Variants in STAU2 observed in about 807,000 individuals in gnomAD.
STAU2 encodes the protein staufen double-stranded RNA binding protein 2, also known as double-stranded RNA-binding protein Staufen homolog 2.
A neutral mutation model predicts 65.9 loss-of-function variants in STAU2; 20 were observed. The ratio of observed to expected loss-of-function variants is 0.30; its 90% CI spans 0.21 to 0.44. The LOEUF (loss-of-function observed/expected upper bound fraction) is 0.44, where lower values mean the gene tolerates loss of function less well. STAU2 is among the 20% of genes least tolerant of loss of function. The probability of loss-of-function intolerance (pLI) is 1.00; values close to 1 mark genes in which losing one functional copy is unlikely to be tolerated. For synonymous variants in STAU2, 232 were observed against 233.9 expected (o/e 0.99, Z 0.07); for missense variants, 558 against 683.9 (o/e 0.82, Z 2.05).
chr8:73,549,805 GT>G (rs1261568314), intron 13 of STAU2: 1 of 984,846 alleles, frequency 1.0e-6, no homozygotes, highest in Non-Finnish European at 1.2e-6. Flanking sequence ...AGAATTTATT[GT>G]TTTTAAGTTT....
intron 12 of STAU2, among the ~76,000 whole-genome samples, chr8:73,555,088 G>T (rs117949838): frequency 0.036 from 5,463 of 152,276 alleles, 280 homozygotes; most frequent in Admixed American, 0.13. Flanking sequence ...GAACGAAAAT[G>T]GATAATACAA....
chr8:73,510,937 G>A (rs1270096596), intron 13 of STAU2, among the ~76,000 whole-genome samples: 2 of 152,206 alleles, frequency 1.3e-5, no homozygotes, highest in African/African-American at 4.8e-5. Context: ...AAATTTAAAA[G>A]TTAAGTAGAA....
chr8:73,509,137 T>C (rs928462445), intron 13 of STAU2, among the ~76,000 whole-genome samples: 7 of 152,224 alleles, frequency 4.6e-5, no homozygotes, highest in Non-Finnish European at 2.9e-5. Flanking sequence ...ATATAAAGTT[T>C]CTCCATATCG....
At chr8:73,651,435 G>A (rs1815868795) in intron 6 of STAU2, 11 of 665,592 alleles carry the variant, frequency 1.7e-5, no homozygotes, top group South Asian at 8.7e-5. Flanking sequence ...TTTCAAAATC[G>A]CCGCATGAAA....
At chr8:73,724,653 T>TTGTGTGTGTG (rs369351905) in intron 3 of STAU2, among the ~76,000 whole-genome samples, 38 of 100,082 alleles carry the variant, frequency 3.8e-4, no homozygotes, top group East Asian at 8.7e-4. Flanking sequence ...GTTCAGTAGG[T>TTGTGTGTGTG]TGTGTGTGTG....
intron 13 of STAU2, among the ~76,000 whole-genome samples, chr8:73,508,200 C>T (rs1355239564): frequency 1.3e-5 from 2 of 152,218 alleles, no homozygotes; most frequent in Non-Finnish European, 2.9e-5. Flanking sequence ...TTTGGCCCCT[C>T]TCAGCTTATG....
chr8:73,669,913 G>A (rs1030729339), intron 6 of STAU2, among the ~76,000 whole-genome samples: 2 of 152,100 alleles, frequency 1.3e-5, no homozygotes, highest in South Asian at 2.1e-4. Context: ...AGTCAGAACT[G>A]TAGCAAAATT....
At chr8:73,569,944 A>T (rs1808917073) in intron 12 of STAU2, among the ~76,000 whole-genome samples, 1 of 152,240 alleles carries the variant, frequency 6.6e-6, no homozygotes, top group Admixed American at 6.5e-5. Context: ...AGCAACGGAA[A>T]AAAGCTGGAT....
At chr8:73,463,041 C>T (rs914045800) in intron 13 of STAU2, among the ~76,000 whole-genome samples, 2 of 152,214 alleles carry the variant, frequency 1.3e-5, no homozygotes, top group African/African-American at 4.8e-5. Flanking sequence ...GGCCTCTCCA[C>T]TTGCACTTCC....
At chr8:73,581,432 C>T (rs1809974895) in intron 12 of STAU2, among the ~76,000 whole-genome samples, 1 of 152,134 alleles carries the variant, frequency 6.6e-6, no homozygotes, top group South Asian at 2.1e-4. Flanking sequence ...AGAATAGTAT[C>T]ATTTTTATAA....
chr8:73,536,041 T>G (rs1453308588), intron 13 of STAU2, among the ~76,000 whole-genome samples: 1 of 152,184 alleles, frequency 6.6e-6, no homozygotes, highest in African/African-American at 2.4e-5. Context: ...ATGTATAATA[T>G]ATACTTGAAT....
intron 13 of STAU2, among the ~76,000 whole-genome samples, chr8:73,430,464 A>G (rs193161388): frequency 2.3e-3 from 345 of 152,134 alleles, no homozygotes; most frequent in African/African-American, 8.0e-3. Flanking sequence ...ATCACCCCCT[A>G]TTTTCCCAGA....
At chr8:73,522,355 C>G (rs1347305054) in intron 13 of STAU2, among the ~76,000 whole-genome samples, 1 of 152,154 alleles carries the variant, frequency 6.6e-6, no homozygotes, top group Admixed American at 6.5e-5. Context: ...TAGGAGATTA[C>G]AAAACCCTCC....
At chr8:73,421,796 T>G (rs1174105569) in intron 14 of STAU2, among the ~76,000 whole-genome samples, 2 of 152,242 alleles carry the variant, frequency 1.3e-5, no homozygotes, top group African/African-American at 2.4e-5. Flanking sequence ...CTCATTTAAC[T>G]GTAAGATCAG....
chr8:73,613,190 A>G (rs993940417), intron 9 of STAU2, among the ~76,000 whole-genome samples: 3 of 152,204 alleles, frequency 2.0e-5, no homozygotes, highest in African/African-American at 7.2e-5. Context: ...TGGCACATAG[A>G]CTGCTTTATG....
intron 13 of STAU2, among the ~76,000 whole-genome samples, chr8:73,506,153 T>C (rs1324818058): frequency 6.6e-6 from 1 of 152,196 alleles, no homozygotes. Context: ...AATACACGAA[T>C]GGGCTAACAC....
chr8:73,627,230 GGCAGGA>G (rs1813736168), intron 6 of STAU2, among the ~76,000 whole-genome samples: 1 of 65,890 alleles, frequency 1.5e-5, no homozygotes, highest in Admixed American at 1.2e-4. Flanking sequence ...GGGAGGGGGG[GGCAGGA>G]GGGCGGGTTC....
At chr8:73,549,645 T>C (rs2128941953) in intron 13 of STAU2, 3 of 985,282 alleles carry the variant, frequency 3.0e-6, no homozygotes, top group East Asian at 2.3e-4. Flanking sequence ...TAATACAATA[T>C]AGCTGTCACA....
intron 11 of STAU2, among the ~76,000 whole-genome samples, chr8:73,584,405 T>A (rs1563439241): frequency 6.6e-6 from 1 of 152,152 alleles, no homozygotes; most frequent in African/African-American, 2.4e-5. Context: ...AAAAGTGGGG[T>A]TGCTAATGCG....
Sources: allele counts gnomAD v4.1 joint callset (sites outside exome capture counted in the v4.1 genomes callset), GRCh38; gene constraint gnomAD v4.1.1; transcripts MANE v1.5; gene names NCBI Gene and HGNC (gene_info 2026-07-23, HGNC 2026-07-21).